The following MAST4 variants were observed in gnomAD, a reference collection of about 807,000 sequenced individuals.
MAST4 encodes microtubule associated serine/threonine kinase family member 4.
In MAST4, 89 loss-of-function variants were observed where a neutral mutation model predicts 162.7. The observed-to-expected ratio is 0.55, with a 90% CI of 0.46 to 0.65. The LOEUF (loss-of-function observed/expected upper bound fraction) is 0.65. Among genes scored for constraint, MAST4 ranks in the 30% least tolerant of loss-of-function variants. The pLI is 0.00. For synonymous variants in MAST4, 1,479 were observed against 1,361.1 expected (o/e 1.09, Z -1.91); for missense variants, 3,153 against 3,374.0 (o/e 0.93, Z 1.62).
chr5:66,831,632 G>T (rs1757603810), intron 3 of MAST4, among the ~76,000 whole-genome samples: 1 of 152,146 alleles, frequency 6.6e-6, no homozygotes, highest in Admixed American at 6.5e-5. Context: ...TCATAAAATG[G>T]CAGCACAACT....
intron 11 of MAST4, among the ~76,000 whole-genome samples, chr5:67,112,307 A>C (rs560521750): frequency 6.6e-6 from 1 of 152,310 alleles, no homozygotes; most frequent in East Asian, 1.9e-4. Context: ...TTCTGACACC[A>C]GTTATGTGGG....
chr5:67,050,621 A>G (rs1758056561), intron 4 of MAST4, among the ~76,000 whole-genome samples: 1 of 152,184 alleles, frequency 6.6e-6, no homozygotes, highest in African/African-American at 2.4e-5. Flanking sequence ...AAATGAAGTA[A>G]AAATAAATGC....
At chr5:67,076,383 A>G (rs1299550827) in intron 5 of MAST4, among the ~76,000 whole-genome samples, 1 of 152,100 alleles carries the variant, frequency 6.6e-6, no homozygotes, top group East Asian at 1.9e-4. Context: ...TCTCCTGAAC[A>G]CAGATGCATG....
At chr5:66,844,998 G>A (rs1366111370) in intron 3 of MAST4, among the ~76,000 whole-genome samples, 3 of 148,670 alleles carry the variant, frequency 2.0e-5, no homozygotes, top group Non-Finnish European at 4.5e-5. Flanking sequence ...AGCCATGGGA[G>A]TGGAGGAGAT....
intron 3 of MAST4, among the ~76,000 whole-genome samples, chr5:66,896,068 A>G (rs1762664587): frequency 6.6e-6 from 1 of 152,160 alleles, no homozygotes; most frequent in Admixed American, 6.5e-5. Context: ...TGAGAATCCA[A>G]TTCAAGATTT....
chr5:66,915,590 A>T (rs1345042731), intron 4 of MAST4, among the ~76,000 whole-genome samples: 1 of 152,260 alleles, frequency 6.6e-6, no homozygotes, highest in Non-Finnish European at 1.5e-5. Context: ...TTTGTCAATT[A>T]ATGTACTTTT....
chr5:66,600,041 T>C (rs907480907), intron 1 of MAST4, among the ~76,000 whole-genome samples: 1 of 152,164 alleles, frequency 6.6e-6, no homozygotes, highest in Non-Finnish European at 1.5e-5. Flanking sequence ...TTAAAACTGT[T>C]TTGAATGTAT....
intron 24 of MAST4, among the ~76,000 whole-genome samples, chr5:67,150,222 C>T (rs527801117): frequency 6.6e-6 from 1 of 152,192 alleles, no homozygotes; most frequent in Non-Finnish European, 1.5e-5. Flanking sequence ...TTTGCCACTA[C>T]TGATCACTAA....
chr5:67,054,663 G>A (rs1162491003), intron 5 of MAST4, among the ~76,000 whole-genome samples, 171 bp downstream of exon 5: 1 of 152,118 alleles, frequency 6.6e-6, no homozygotes, highest in Admixed American at 6.6e-5. Flanking sequence ...TATCCTCTCT[G>A]TTTCAGTGTT....
chr5:66,989,873 G>A (rs530774864), intron 4 of MAST4, among the ~76,000 whole-genome samples: 41 of 151,866 alleles, frequency 2.7e-4, no homozygotes, highest in Non-Finnish European at 4.4e-4. Flanking sequence ...GTAATCAATG[G>A]CAGAATATTC....
chr5:67,020,708 C>T (rs1461516578), intron 4 of MAST4, among the ~76,000 whole-genome samples: 1 of 152,214 alleles, frequency 6.6e-6, no homozygotes, highest in Admixed American at 6.5e-5. Context: ...GTGACCTTGG[C>T]AGGCCATCTC....
intron 4 of MAST4, among the ~76,000 whole-genome samples, chr5:66,983,577 A>G (rs1749119322): frequency 6.6e-6 from 1 of 152,150 alleles, no homozygotes; most frequent in Non-Finnish European, 1.5e-5. Context: ...GGAAGTTCAC[A>G]TTAATCTTTC....
At chr5:66,860,387 T>TA (rs1296853860) in intron 3 of MAST4, among the ~76,000 whole-genome samples, 1 of 152,134 alleles carries the variant, frequency 6.6e-6, no homozygotes, top group Non-Finnish European at 1.5e-5. Flanking sequence ...ATTGAGGCAA[T>TA]AAAAAATGCT....
chr5:66,821,981 G>T (rs1305165751), intron 3 of MAST4, among the ~76,000 whole-genome samples: 1 of 152,186 alleles, frequency 6.6e-6, no homozygotes, highest in African/African-American at 2.4e-5. Flanking sequence ...TACCTTGAGG[G>T]CAGTGAGACC....
intron 3 of MAST4, among the ~76,000 whole-genome samples, chr5:66,880,889 T>G (rs901656789): frequency 6.6e-6 from 1 of 152,230 alleles, no homozygotes; most frequent in African/African-American, 2.4e-5. Context: ...CTGTGCTAAG[T>G]GCTGGAGATT....
At chr5:67,038,469 G>C (rs1402855480) in intron 4 of MAST4, among the ~76,000 whole-genome samples, 1 of 152,128 alleles carries the variant, frequency 6.6e-6, no homozygotes, top group Non-Finnish European at 1.5e-5. Flanking sequence ...TCTAAAAACT[G>C]TTAGGGGATT....
intron 5 of MAST4, among the ~76,000 whole-genome samples, chr5:67,084,485 C>A (rs933333044): frequency 3.9e-5 from 6 of 152,078 alleles, no homozygotes; most frequent in African/African-American, 1.4e-4. Flanking sequence ...AAGCCCTGTG[C>A]ATAACAAGAA....
At chr5:67,054,117 G>GT (rs140807315) in intron 4 of MAST4, among the ~76,000 whole-genome samples, 47 of 152,318 alleles carry the variant, frequency 3.1e-4, no homozygotes, top group African/African-American at 9.9e-4. Flanking sequence ...TCACTTGTGT[G>GT]TATGGCATGT....
intron 1 of MAST4, among the ~76,000 whole-genome samples, chr5:66,665,729 GT>G (rs1747212274): frequency 6.6e-6 from 1 of 152,176 alleles, no homozygotes; most frequent in African/African-American, 2.4e-5. Context: ...CACTTATTGG[GT>G]GTGGAATTTT....
Sources: allele counts gnomAD v4.1 joint callset (sites outside exome capture counted in the v4.1 genomes callset), GRCh38; gene constraint gnomAD v4.1.1; transcripts MANE v1.5; gene names NCBI Gene and HGNC (gene_info 2026-07-23, HGNC 2026-07-21).